Variants in PKN2 observed in about 807,000 individuals in gnomAD.
PKN2 encodes serine/threonine-protein kinase N2.
A neutral mutation model predicts 119.1 loss-of-function variants in PKN2; 38 were observed. That is an observed-to-expected ratio of 0.32 (90% CI 0.25 to 0.42). PKN2 has a LOEUF of 0.42. Among genes scored for constraint, PKN2 ranks in the 10% least tolerant of loss-of-function variants. The pLI is 1.00. For missense variants in PKN2, 850 were observed against 1,165.1 expected (o/e 0.73, Z 3.94); for synonymous variants, 390 against 384.9 (o/e 1.01, Z -0.15).
At chr1:88,772,329 A>G (rs569765670) in intron 6 of PKN2, among the ~76,000 whole-genome samples, 1 of 152,316 alleles carries the variant, frequency 6.6e-6, no homozygotes, top group African/African-American at 2.4e-5. Context: ...TACTTCACTC[A>G]CTTTTAATGT....
At chr1:88,775,127 G>C (rs1670042762) in intron 6 of PKN2, among the ~76,000 whole-genome samples, 1 of 151,764 alleles carries the variant, frequency 6.6e-6, no homozygotes, top group Non-Finnish European at 1.5e-5. Flanking sequence ...ACCACGCTCA[G>C]CTTATTTTAT....
At chr1:88,734,918 T>A (rs1668277780) in intron 1 of PKN2, among the ~76,000 whole-genome samples, 1 of 152,170 alleles carries the variant, frequency 6.6e-6, no homozygotes, top group South Asian at 2.1e-4. Flanking sequence ...CATTTGTAAT[T>A]TTTGATGTCC....
intron 1 of PKN2, among the ~76,000 whole-genome samples, chr1:88,735,828 G>C (rs1668326649): frequency 6.6e-6 from 1 of 152,016 alleles, no homozygotes; most frequent in Admixed American, 6.6e-5. Flanking sequence ...GGCTGTATCT[G>C]ATTGGTAACC....
chr1:88,752,059 T>C (rs961391805), intron 2 of PKN2, among the ~76,000 whole-genome samples: 1 of 152,164 alleles, frequency 6.6e-6, no homozygotes, highest in Non-Finnish European at 1.5e-5. Context: ...GTTTCTTAAA[T>C]CTGAAATGTA....
chr1:88,824,199 A>G (rs1196587485), intron 17 of PKN2, 111 bp from the exon 18 acceptor site: 9 of 590,368 alleles, frequency 1.5e-5, no homozygotes, highest in Admixed American at 3.2e-5. Flanking sequence ...TGGAAATCCC[A>G]TTTTTAATAA....
intron 1 of PKN2, among the ~76,000 whole-genome samples, chr1:88,727,330 A>G (rs1208731681): frequency 1.3e-5 from 2 of 150,758 alleles, no homozygotes; most frequent in East Asian, 1.9e-4. Context: ...TAGGTAACAT[A>G]TGGGTTTTTG....
At chr1:88,761,656 AAG>A (rs1311365823) in intron 3 of PKN2, among the ~76,000 whole-genome samples, 1 of 151,622 alleles carries the variant, frequency 6.6e-6, no homozygotes, top group Non-Finnish European at 1.5e-5. Flanking sequence ...AGTTACCAAA[AAG>A]AGAGAAATGT....
chr1:88,805,072 C>T (rs1359252660), intron 10 of PKN2, 151 bp downstream of exon 10: 1 of 552,102 alleles, frequency 1.8e-6, no homozygotes, highest in Non-Finnish European at 3.2e-6. Flanking sequence ...TTAAATGTAT[C>T]CATAAGTGGA....
At chr1:88,830,853 C>T (rs1227994585) in intron 19 of PKN2, among the ~76,000 whole-genome samples, 1 of 152,088 alleles carries the variant, frequency 6.6e-6, no homozygotes, top group South Asian at 2.1e-4. Context: ...TAAAACTCAT[C>T]AGTCTACTTC....
At position 88,813,628 on chromosome 1, in the gene PKN2, C is replaced by T; in HGVS notation, c.2174C>T (p.Ala725Val). The T allele has an allele frequency of 6.2e-7, 1 of 1,609,254 alleles. No homozygotes were observed. The highest frequency in any genetic ancestry group is 8.5e-7 in the Non-Finnish European group (1 of 1,178,338). ...VRHPFLVNLF[A>V]CFQTKEHVCF... ...CATCCCTTTTTGGTGAACCTTTTTG[C>T]ATGTTTCCAAACCAAAGAGCATGTT... The change falls in exon 16 of 22, where the codon GCA becomes GTA. Residue 725 changes from alanine (A) to valine (V), a missense_variant. Around this residue, in one of 9 missense-constraint regions of PKN2, gnomAD observed 216 missense variants for 252.8 expected, o/e 0.85. Coordinates refer to ENST00000370521, the MANE Select transcript of PKN2 (RefSeq NM_006256.4).
chr1:88,706,293 A>G (rs897239109), intron 1 of PKN2, among the ~76,000 whole-genome samples: 4 of 152,170 alleles, frequency 2.6e-5, no homozygotes, highest in Admixed American at 6.5e-5. Flanking sequence ...GATCATTCCT[A>G]GTATATAGAA....
intron 19 of PKN2, among the ~76,000 whole-genome samples, chr1:88,831,854 TA>T (rs1470223966): frequency 7.2e-5 from 11 of 152,046 alleles, no homozygotes; most frequent in African/African-American, 2.7e-4. Flanking sequence ...TTTCCTGATT[TA>T]AAAAATGACT....
chr1:88,797,996 A>T (rs1161886776), intron 8 of PKN2, among the ~76,000 whole-genome samples: 3 of 152,196 alleles, frequency 2.0e-5, no homozygotes. Context: ...TTTTAAAATT[A>T]GTGAAATTTT....
chr1:88,821,914 C>G (rs948980644), intron 16 of PKN2, 27 bp from the exon 17 acceptor site: 1 of 1,525,280 alleles, frequency 6.6e-7, no homozygotes, highest in Admixed American at 2.2e-5. Context: ...ATTTATTAAA[C>G]TCCTGTTGAT....
intron 8 of PKN2, among the ~76,000 whole-genome samples, chr1:88,804,084 A>G (rs1453597247): frequency 6.6e-6 from 1 of 152,210 alleles, no homozygotes; most frequent in African/African-American, 2.4e-5. Flanking sequence ...CTCTAAGAGA[A>G]GGAGTTTCGG....
intron 20 of PKN2, 100 bp from the exon 21 acceptor site, chr1:88,832,973 CAAAA>C (rs773216165): frequency 1.2e-5 from 15 of 1,280,632 alleles, no homozygotes; most frequent in Admixed American, 2.4e-5. Context: ...ATGGCTTAGA[CAAAA>C]AAAGACAAAA....
chr1:88,720,982 C>T (rs547333088), intron 1 of PKN2, among the ~76,000 whole-genome samples: 90 of 152,160 alleles, frequency 5.9e-4, no homozygotes, highest in Non-Finnish European at 1.1e-3. Flanking sequence ...GGCTTAGTAT[C>T]ATATACACAC....
chr1:88,721,575 T>C (rs1170548716), intron 1 of PKN2, among the ~76,000 whole-genome samples: 1 of 152,164 alleles, frequency 6.6e-6, no homozygotes. Flanking sequence ...TTTTTCTGAT[T>C]ATTGGGAGGT....
At chr1:88,756,383 C>A (rs1028673076) in intron 2 of PKN2, among the ~76,000 whole-genome samples, 1 of 152,004 alleles carries the variant, frequency 6.6e-6, no homozygotes, top group Non-Finnish European at 1.5e-5. Context: ...AAATTTTTGC[C>A]CTACCTACCT....
Sources: gnomAD v4.1 joint callset for allele counts (sites outside exome capture counted in the v4.1 genomes callset) on GRCh38, gnomAD v4.1.1 for gene constraint, gnomAD v4.1.1 regional missense constraint, MANE v1.5 for transcripts, NCBI Gene and HGNC (gene_info 2026-07-23, HGNC 2026-07-21) for gene names.